CSMD1: variants seen among roughly 807,000 people sequenced by gnomAD.
The protein encoded by CSMD1 is CUB and Sushi multiple domains 1, also known as CUB and sushi domain-containing protein 1.
A neutral mutation model predicts 417.5 loss-of-function variants in CSMD1; 213 were observed. The observed-to-expected ratio is 0.51, with a 90% CI of 0.46 to 0.57. The LOEUF is 0.57. Among genes scored for constraint, CSMD1 ranks in the 20% least tolerant of loss-of-function variants. The pLI is 0.00. For missense variants in CSMD1, 6,923 were observed against 4,529.7 expected, an observed-to-expected ratio of 1.53 and a Z score of -15.17; for synonymous variants, 2,862 against 1,736.8, an observed-to-expected ratio of 1.65 and a Z score of -16.11.
rs535184575 is a variant in CSMD1 at position 3,371,164 on chromosome 8, AG to A, written c.2783-1795del. On this transcript the variant is annotated intron_variant, in intron 18 of 69. Coordinates refer to ENST00000635120, the MANE Select transcript of CSMD1 (RefSeq NM_033225.6). ...ATGCCACTGGCTTTTCCAGATGTCT[AG>A]CTTGCAGAAGGCAGATCTTGGGACC... 5.5e-3 allele frequency among the ~76,000 whole-genome samples: 830 copies of A among 152,280 alleles called. 5 individuals are homozygous for A. Among genetic ancestry groups the A allele is most frequent in the Non-Finnish European group, 9.0e-3 (611 of 68,026 alleles).
chr8:3,257,318 C>G (rs554530628), intron 26 of CSMD1, among the ~76,000 whole-genome samples: 2 of 152,328 alleles, frequency 1.3e-5, no homozygotes, highest in African/African-American at 2.4e-5. Context: ...GAGTGAAACT[C>G]CATCTCAAAA....
intron 2 of CSMD1, among the ~76,000 whole-genome samples, chr8:4,636,808 G>T (rs1026987135): frequency 6.6e-6 from 1 of 152,102 alleles, no homozygotes; most frequent in Non-Finnish European, 1.5e-5. Flanking sequence ...GTAATGAGGG[G>T]TGAAGCCAGC....
chr8:4,378,747 G>T (rs1294026384), intron 3 of CSMD1, among the ~76,000 whole-genome samples: 1 of 152,198 alleles, frequency 6.6e-6, no homozygotes, highest in South Asian at 2.1e-4. Flanking sequence ...GGGAGATTAT[G>T]AGGTTATGAG....
chr8:3,906,605 C>T (rs1379236438), intron 5 of CSMD1, among the ~76,000 whole-genome samples: 1 of 149,340 alleles, frequency 6.7e-6, no homozygotes, highest in Non-Finnish European at 1.5e-5. Context: ...AGGTAATACT[C>T]TAGAATCTAA....
intron 7 of CSMD1, among the ~76,000 whole-genome samples, chr8:3,671,557 GATCATATATATATATATA>G: frequency 1.9e-4 from 1 of 5,390 alleles, no homozygotes; most frequent in Non-Finnish European, 4.1e-4. Context: ...TCATATATAT[GATCATATATATATATATA>G]TATATATATA....
chr8:3,191,688 G>T lies in CSMD1; in HGVS notation c.5195-1573C>A, dbSNP rs186579012. On this transcript the variant is annotated intron_variant, in intron 33 of 69. Transcript: ENST00000635120. ...TGTATGGCAGAAATTACCATCTACA[G>T]GAGATATTCCTGTTTATCAAAAGGA... Among the ~76,000 whole-genome samples, 267 of 152,246 alleles carry T rather than the reference G, an allele frequency of 1.8e-3. 2 individuals are homozygous for T. The highest frequency in any genetic ancestry group is 6.2e-3 in the African/African-American group (259 of 41,540).
At chr8:4,438,224 C>G (rs958360487) in intron 2 of CSMD1, among the ~76,000 whole-genome samples, 7 of 152,154 alleles carry the variant, frequency 4.6e-5, no homozygotes, top group African/African-American at 1.7e-4. Context: ...CTGAAATAAT[C>G]TCAACCCAAG....
intron 23 of CSMD1, among the ~76,000 whole-genome samples, chr8:3,322,304 C>A (rs561107703): frequency 7.2e-5 from 11 of 152,010 alleles, no homozygotes; most frequent in Non-Finnish European, 1.5e-4. Flanking sequence ...CATTTTATTC[C>A]TTTAGGTCTG....
intron 4 of CSMD1, among the ~76,000 whole-genome samples, chr8:4,027,718 C>A (rs897095495): frequency 3.9e-5 from 6 of 151,972 alleles, no homozygotes; most frequent in Non-Finnish European, 8.8e-5. Context: ...CATGGGGGCC[C>A]ATTGAACAAA....
Position 4,263,872 on chromosome 8 carries a change from C to G in CSMD1, c.415+156081G>C, listed in dbSNP as rs533197347. 2.6e-5 allele frequency among the ~76,000 whole-genome samples: 4 copies of G among 152,176 alleles called. No homozygotes were observed. The East Asian group carries it at 5.8e-4, about 22-fold the overall frequency. ...AACATTAACTTATTTGTGTTTTGACCAGAATGCTCAGAACAATTATAGACA... is the reference window on the plus strand; with the variant it reads ...AACATTAACTTATTTGTGTTTTGACGAGAATGCTCAGAACAATTATAGACA... On this transcript the variant is annotated intron_variant, in intron 3 of 69. Transcript: ENST00000635120.
chr8:3,357,880 T>C (rs150954145), intron 21 of CSMD1, among the ~76,000 whole-genome samples: 122 of 152,332 alleles, frequency 8.0e-4, no homozygotes, highest in Non-Finnish European at 1.5e-3. Flanking sequence ...TGAAAATATA[T>C]AGATACATGT....
intron 3 of CSMD1, among the ~76,000 whole-genome samples, chr8:4,227,946 A>G (rs1168124717): frequency 6.6e-6 from 1 of 151,306 alleles, no homozygotes; most frequent in East Asian, 2.0e-4. Context: ...CACACCCTCC[A>G]TCCTGCATTC....
At chr8:4,464,463 G>A (rs190300900) in intron 2 of CSMD1, among the ~76,000 whole-genome samples, 1 of 152,208 alleles carries the variant, frequency 6.6e-6, no homozygotes, top group African/African-American at 2.4e-5. Flanking sequence ...GCCTACAGCT[G>A]GGAAAACCAC....
At chr8:3,736,221 G>A (rs1006498551) in intron 6 of CSMD1, among the ~76,000 whole-genome samples, 1 of 151,798 alleles carries the variant, frequency 6.6e-6, no homozygotes. Context: ...CTCAACATTT[G>A]TGTGTGTGTG....
intron 3 of CSMD1, among the ~76,000 whole-genome samples, chr8:4,151,098 C>T (rs1454155380): frequency 6.6e-6 from 1 of 152,086 alleles, no homozygotes; most frequent in East Asian, 1.9e-4. Flanking sequence ...AACTTGCATC[C>T]TTCTCCCAGC....
chr8:4,372,349 T>C (rs1188187760), intron 3 of CSMD1, among the ~76,000 whole-genome samples: 1 of 152,192 alleles, frequency 6.6e-6, no homozygotes, highest in Non-Finnish European at 1.5e-5. Context: ...GGAGGAACGC[T>C]TAGTGTTTCC....
intron 11 of CSMD1, among the ~76,000 whole-genome samples, chr8:3,478,687 C>T (rs974713577): frequency 2.6e-5 from 4 of 152,090 alleles, no homozygotes; most frequent in African/African-American, 4.8e-5. Flanking sequence ...AACTGTGACC[C>T]GTCTGACTAC....
chr8:3,716,962 T>C (rs956954868), intron 6 of CSMD1, among the ~76,000 whole-genome samples: 4 of 152,174 alleles, frequency 2.6e-5, no homozygotes, highest in South Asian at 2.1e-4. Context: ...ATGCTACTCC[T>C]ACAATCATTT....
At chr8:3,054,804 T>G (rs561277420) in intron 49 of CSMD1, among the ~76,000 whole-genome samples, 1 of 152,324 alleles carries the variant, frequency 6.6e-6, no homozygotes, top group East Asian at 1.9e-4. Flanking sequence ...AGGCATCATT[T>G]GGGGCAAAGC....
Sources: allele counts gnomAD v4.1 joint callset (sites outside exome capture counted in the v4.1 genomes callset), GRCh38; gene constraint gnomAD v4.1.1; transcripts MANE v1.5; gene names NCBI Gene and HGNC (gene_info 2026-07-23, HGNC 2026-07-21).